Variants in CAMKMT observed in about 807,000 individuals in gnomAD.
CAMKMT encodes calmodulin-lysine N-methyltransferase.
Under a neutral mutation model 48.0 loss-of-function variants are expected in CAMKMT, and 53 were observed. That is an observed-to-expected ratio of 1.10 (90% CI 0.89 to 1.39). The LOEUF (loss-of-function observed/expected upper bound fraction) is 1.39, where lower values mean the gene tolerates loss of function less well. CAMKMT is among the 40% of genes most tolerant of loss of function. CAMKMT has a pLI of 0.00. For synonymous variants in CAMKMT, 165 were observed against 152.3 expected (o/e 1.08, Z -0.61); for missense variants, 428 against 402.7 (o/e 1.06, Z -0.54).
intron 3 of CAMKMT, among the ~76,000 whole-genome samples, chr2:44,593,430 A>T: frequency 6.6e-6 from 1 of 152,108 alleles, no homozygotes; most frequent in East Asian, 1.9e-4. Flanking sequence ...GTACTCTCTG[A>T]TACTCTGTCC....
chr2:44,612,182 C>T (rs1055894258), intron 3 of CAMKMT, among the ~76,000 whole-genome samples: 2 of 98,106 alleles, frequency 2.0e-5, no homozygotes, highest in Middle Eastern at 5.6e-3. Context: ...AAGCCGTTAT[C>T]ATTAGAATGA....
Position 44,508,448 on chromosome 2 carries a change from A to G in CAMKMT, c.376+118143A>G, listed in dbSNP as rs188945355. On this transcript the variant is annotated intron_variant, in intron 3 of 10. Transcript: ENST00000378494. Reference sequence around the variant, plus strand: ...TTACAGGAAGGGAGTTCCCCACTACAGTGTTTAAAAATTCCGAGCTTTCAT... The same window carrying G: ...TTACAGGAAGGGAGTTCCCCACTACGGTGTTTAAAAATTCCGAGCTTTCAT... 1.3e-3 allele frequency among the ~76,000 whole-genome samples: 193 copies of G among 152,260 alleles called. 2 individuals are homozygous for G. Among genetic ancestry groups the G allele is most frequent in the African/African-American group, 4.6e-3 (191 of 41,546 alleles).
chr2:44,603,343 G>A (rs1294677417), intron 3 of CAMKMT, among the ~76,000 whole-genome samples: 3 of 151,990 alleles, frequency 2.0e-5, no homozygotes, highest in South Asian at 2.1e-4. Flanking sequence ...CACCCACCTT[G>A]GCCTCCCAAA....
At chr2:44,472,989 A>G (rs1307857948) in intron 3 of CAMKMT, among the ~76,000 whole-genome samples, 2 of 152,162 alleles carry the variant, frequency 1.3e-5, no homozygotes, top group African/African-American at 4.8e-5. Flanking sequence ...ACCGGGAGAG[A>G]GGAAAGATAG....
intron 7 of CAMKMT, among the ~76,000 whole-genome samples, chr2:44,738,264 A>G (rs553019603): frequency 5.9e-5 from 9 of 152,236 alleles, no homozygotes; most frequent in Admixed American, 5.2e-4. Context: ...GGCTCATTTC[A>G]TTTATTTCTG....
intron 10 of CAMKMT, among the ~76,000 whole-genome samples, chr2:44,768,361 A>ATATATATATATATTTT (rs35058824): frequency 1.7e-5 from 2 of 115,744 alleles, no homozygotes; most frequent in African/African-American, 7.4e-5. Context: ...ATATATATAT[A>ATATATATATATATTTT]TTTTTTTTTT....
At chr2:44,544,350 G>T (rs1328736229) in intron 3 of CAMKMT, among the ~76,000 whole-genome samples, 1 of 152,046 alleles carries the variant, frequency 6.6e-6, no homozygotes, top group Non-Finnish European at 1.5e-5. Context: ...TTTTCTTTTT[G>T]AGCTGGTAGA....
chr2:44,536,473 C>T (rs985517282), intron 3 of CAMKMT, among the ~76,000 whole-genome samples: 17 of 151,430 alleles, frequency 1.1e-4, no homozygotes, highest in Admixed American at 7.2e-4. Flanking sequence ...TATAGGTGCC[C>T]GCCACCGTGC....
At chr2:44,548,817 A>T (rs2103641408) in intron 3 of CAMKMT, among the ~76,000 whole-genome samples, 2 of 152,288 alleles carry the variant, frequency 1.3e-5, no homozygotes, top group Middle Eastern at 6.8e-3. Flanking sequence ...GAATTTTGCC[A>T]GGAAGAATGA....
intron 7 of CAMKMT, among the ~76,000 whole-genome samples, chr2:44,723,575 A>G (rs1433505066): frequency 6.6e-6 from 1 of 151,416 alleles, no homozygotes; most frequent in African/African-American, 2.4e-5. Context: ...CAGGAGACAG[A>G]GCAAGTCCAT....
At chr2:44,364,913 G>C (rs758698080) in intron 1 of CAMKMT, among the ~76,000 whole-genome samples, 6 of 152,154 alleles carry the variant, frequency 3.9e-5, no homozygotes, top group Non-Finnish European at 7.4e-5. Context: ...CACATCATGT[G>C]TTTATTTCCT....
intron 3 of CAMKMT, among the ~76,000 whole-genome samples, chr2:44,654,813 C>T (rs558117410): frequency 6.6e-6 from 1 of 152,286 alleles, no homozygotes; most frequent in African/African-American, 2.4e-5. Flanking sequence ...CTGCGCCCGG[C>T]CTACACGCCA....
At chr2:44,714,182 GT>G (rs1678045063) in intron 6 of CAMKMT, among the ~76,000 whole-genome samples, 1 of 152,298 alleles carries the variant, frequency 6.6e-6, no homozygotes, top group Admixed American at 6.5e-5. Flanking sequence ...GGTTGTTAGA[GT>G]TAGGCCACAC....
At chr2:44,527,226 G>C (rs1246251463) in intron 3 of CAMKMT, among the ~76,000 whole-genome samples, 1 of 146,010 alleles carries the variant, frequency 6.8e-6, no homozygotes, top group Non-Finnish European at 1.5e-5. Context: ...CCTAGTAGTA[G>C]CTGGGACTAC....
Position 44,670,681 on chromosome 2 carries a change from A to G in CAMKMT, c.377-33602A>G, listed in dbSNP as rs1039558774. On this transcript the variant is annotated intron_variant, in intron 3 of 10. Transcript: ENST00000378494. ...GTCTCTAAAAAATAAATAAATAAAT[A>G]ATAAAAATTTAAAAACACAGATTGC... Among the ~76,000 whole-genome samples the G allele has an allele frequency of 4.3e-4, 65 of 152,078 alleles. 1 individual carries two copies. The highest frequency in any genetic ancestry group is 3.7e-3 in the Admixed American group (57 of 15,274).
At chr2:44,499,599 A>T (rs1669913447) in intron 3 of CAMKMT, among the ~76,000 whole-genome samples, 1 of 152,200 alleles carries the variant, frequency 6.6e-6, no homozygotes, top group Non-Finnish European at 1.5e-5. Flanking sequence ...TTATATCCTT[A>T]CAACAAAACG....
At chr2:44,644,407 C>G (rs974290995) in intron 3 of CAMKMT, among the ~76,000 whole-genome samples, 3 of 152,130 alleles carry the variant, frequency 2.0e-5, no homozygotes, top group African/African-American at 7.2e-5. Flanking sequence ...AACAACTTGG[C>G]TTGTGTGTTC....
intron 3 of CAMKMT, among the ~76,000 whole-genome samples, chr2:44,604,494 A>G (rs11124994): frequency 0.61 from 91,791 of 151,392 alleles, 28,451 homozygotes; most frequent in Admixed American, 0.68. Context: ...AAGATTTTCA[A>G]CATATTGGAG....
chr2:44,574,452 G>A (rs1225995853), intron 3 of CAMKMT, among the ~76,000 whole-genome samples: 1 of 152,166 alleles, frequency 6.6e-6, no homozygotes, highest in African/African-American at 2.4e-5. Flanking sequence ...GTTAGTTACA[G>A]GAGATGGTTG....
Sources: allele counts gnomAD v4.1 joint callset (sites outside exome capture counted in the v4.1 genomes callset), GRCh38; gene constraint gnomAD v4.1.1; transcripts MANE v1.5; gene names NCBI Gene and HGNC (gene_info 2026-07-23, HGNC 2026-07-21).